GRM7: variants seen among roughly 807,000 people sequenced by gnomAD.
GRM7 encodes the protein metabotropic glutamate receptor 7.
In GRM7, 35 loss-of-function variants were observed where a neutral mutation model predicts 84.5. The ratio of observed to expected loss-of-function variants is 0.41; its 90% CI spans 0.32 to 0.55. The LOEUF (loss-of-function observed/expected upper bound fraction) is 0.55. GRM7 is among the 20% of genes least tolerant of loss of function. The pLI, the probability that GRM7 is intolerant of heterozygous loss-of-function variation, is 0.19. For synonymous variants in GRM7, 487 were observed against 455.1 expected, an observed-to-expected ratio of 1.07 and a Z score of -0.89; for missense variants, 1,003 against 1,194.6, an observed-to-expected ratio of 0.84 and a Z score of 2.36.
At chr3:7,136,662 ACTTTGTGGAT>A (rs1693782473) in intron 1 of GRM7, among the ~76,000 whole-genome samples, 1 of 152,054 alleles carries the variant, frequency 6.6e-6, no homozygotes, top group East Asian at 1.9e-4. Flanking sequence ...GGCCACACCA[ACTTTGTGGAT>A]GAGGAGCAGG....
chr3:7,119,679 T>G (rs538077450), intron 1 of GRM7, among the ~76,000 whole-genome samples: 78 of 152,232 alleles, frequency 5.1e-4, no homozygotes, highest in African/African-American at 1.8e-3. Context: ...TCCTGTATAT[T>G]AAAGGATTAA....
At chr3:7,537,317 G>T (rs534928927) in intron 7 of GRM7, among the ~76,000 whole-genome samples, 1 of 152,064 alleles carries the variant, frequency 6.6e-6, no homozygotes, top group East Asian at 1.9e-4. Flanking sequence ...CTAAAACTAC[G>T]GTTCTCAACT....
chr3:7,032,686 A>G (rs1014104612), intron 1 of GRM7, among the ~76,000 whole-genome samples: 4 of 152,188 alleles, frequency 2.6e-5, no homozygotes, highest in Non-Finnish European at 5.9e-5. Context: ...TAGTAAAACT[A>G]TGCACACAAT....
At chr3:7,423,614 A>G (rs1210449293) in intron 5 of GRM7, among the ~76,000 whole-genome samples, 2 of 152,164 alleles carry the variant, frequency 1.3e-5, no homozygotes, top group Admixed American at 1.3e-4. Context: ...TCCTTAGAAG[A>G]GTTTCTAGTA....
At chr3:7,010,809 G>A (rs1278759505) in intron 1 of GRM7, among the ~76,000 whole-genome samples, 1 of 152,158 alleles carries the variant, frequency 6.6e-6, no homozygotes, top group Non-Finnish European at 1.5e-5. Flanking sequence ...CCTTTTGTGG[G>A]AAACTGTCTG....
rs145019995 is a variant in GRM7 at position 7,156,615 on chromosome 3, T to C, written c.736+9947T>C. On this transcript the variant is annotated intron_variant, in intron 2 of 9. Coordinates refer to ENST00000357716, the MANE Select transcript of GRM7 (RefSeq NM_000844.4). ...TTATATGAAAACATAAAAACTTGTT[T>C]ACAGTTGACTGTGTACAAAAAACAA... Among the ~76,000 whole-genome samples, 41 of 152,264 alleles carry C rather than the reference T, an allele frequency of 2.7e-4. No individual in the cohort carries two copies. In the East Asian group the frequency reaches 7.5e-3, roughly 28 times the overall value.
At chr3:7,216,284 A>G (rs939359707) in intron 2 of GRM7, among the ~76,000 whole-genome samples, 1 of 152,202 alleles carries the variant, frequency 6.6e-6, no homozygotes, top group African/African-American at 2.4e-5. Flanking sequence ...CATCACCATC[A>G]TCATTAGCAT....
At chr3:7,019,207 AGTTTCTCAGAAAAACACAC>A (rs1695681308) in intron 1 of GRM7, among the ~76,000 whole-genome samples, 1 of 152,210 alleles carries the variant, frequency 6.6e-6, no homozygotes. Context: ...AGAGCAATGT[AGTTTCTCAGAAAAACACAC>A]GTACAGCCTC....
At chr3:7,281,743 T>C (rs917989425) in intron 2 of GRM7, among the ~76,000 whole-genome samples, 25 of 152,142 alleles carry the variant, frequency 1.6e-4, no homozygotes, top group African/African-American at 5.3e-4. Flanking sequence ...TTGTTAGAAA[T>C]GTAAATTTCA....
At chr3:6,949,319 T>G (rs977457912) in intron 1 of GRM7, among the ~76,000 whole-genome samples, 1 of 152,184 alleles carries the variant, frequency 6.6e-6, no homozygotes, top group Non-Finnish European at 1.5e-5. Flanking sequence ...TTATGAAGCT[T>G]AGTTTGGCTG....
chr3:7,040,422 C>T (rs931303442), intron 1 of GRM7, among the ~76,000 whole-genome samples: 2 of 152,020 alleles, frequency 1.3e-5, no homozygotes. Flanking sequence ...CCTGCCTTAG[C>T]CTTCCGAGTA....
intron 7 of GRM7, among the ~76,000 whole-genome samples, chr3:7,472,987 T>C (rs149568924): frequency 6.6e-6 from 1 of 152,176 alleles, no homozygotes; most frequent in Non-Finnish European, 1.5e-5. Context: ...GGTGACCACA[T>C]GAGTTAGCAG....
chr3:7,657,906 C>T (rs1467885744), intron 8 of GRM7, among the ~76,000 whole-genome samples: 4 of 152,182 alleles, frequency 2.6e-5, no homozygotes, highest in African/African-American at 4.8e-5. Flanking sequence ...AGGAAACACT[C>T]ACTTCTCCAG....
chr3:7,390,650 G>C (rs139404798), intron 4 of GRM7, among the ~76,000 whole-genome samples: 133 of 152,030 alleles, frequency 8.7e-4, no homozygotes, highest in African/African-American at 3.0e-3. Context: ...GTCTGTTAAG[G>C]CGTCCAATTG....
rs140350998 is a variant in GRM7 at position 7,341,507 on chromosome 3, G to A, written c.1033+34855G>A. Among the ~76,000 whole-genome samples, 66 of 152,034 alleles carry A rather than the reference G, an allele frequency of 4.3e-4. No homozygotes were observed. In the South Asian group the frequency reaches 0.013, roughly 30 times the overall value. ...GCCTTTGCAATCCCACACACGGCCT[G>A]ACTCAGTACCACTGAGAAAATTGTC... is the stretch of plus-strand genomic sequence containing the variant. On this transcript the variant is annotated intron_variant, in intron 4 of 9. Transcript: ENST00000357716.
At chr3:7,451,752 T>G (rs572446802) in intron 5 of GRM7, 1 of 152,312 alleles carries the variant, frequency 6.6e-6, no homozygotes, top group East Asian at 1.9e-4. Flanking sequence ...CATCCACAGC[T>G]TTCAACACAG....
At chr3:7,134,168 C>T (rs1253355919) in intron 1 of GRM7, among the ~76,000 whole-genome samples, 2 of 152,022 alleles carry the variant, frequency 1.3e-5, no homozygotes, top group African/African-American at 2.4e-5. Flanking sequence ...GTAAGATTAG[C>T]GTCATTTTTC....
At chr3:7,140,726 C>T (rs900378745) in intron 1 of GRM7, among the ~76,000 whole-genome samples, 27 of 151,938 alleles carry the variant, frequency 1.8e-4, no homozygotes, top group Admixed American at 1.2e-3. Flanking sequence ...TGAGGAAGTA[C>T]GGTTCTGTGT....
intron 4 of GRM7, among the ~76,000 whole-genome samples, chr3:7,398,485 A>C (rs1446147799): frequency 6.6e-6 from 1 of 152,156 alleles, no homozygotes; most frequent in Non-Finnish European, 1.5e-5. Context: ...GCAATGGGCT[A>C]TCCCTAAGAT....
Sources: allele counts gnomAD v4.1 joint callset (sites outside exome capture counted in the v4.1 genomes callset), GRCh38; gene constraint gnomAD v4.1.1; transcripts MANE v1.5; gene names NCBI Gene and HGNC (gene_info 2026-07-23, HGNC 2026-07-21).